Variants in SMURF1 observed in about 807,000 individuals in gnomAD.
SMURF1 encodes the protein SMAD specific E3 ubiquitin protein ligase 1.
In SMURF1, 44 loss-of-function variants were observed where a neutral mutation model predicts 98.0. That is an observed-to-expected ratio of 0.45 (90% CI 0.35 to 0.58). SMURF1 has a LOEUF of 0.58. SMURF1 is among the 20% of genes least tolerant of loss of function. SMURF1 has a pLI of 0.00. For missense variants in SMURF1, 687 were observed against 938.4 expected (o/e 0.73, Z 3.50); for synonymous variants, 396 against 374.9 (o/e 1.06, Z -0.65).
intron 3 of SMURF1, among the ~76,000 whole-genome samples, chr7:99,058,533 C>G (rs1584466692): frequency 6.6e-6 from 1 of 152,326 alleles, no homozygotes; most frequent in East Asian, 1.9e-4. Context: ...GGACTACTTA[C>G]AAACCTACGG....
chr7:99,121,030 T>G (rs1168145157), intron 1 of SMURF1: 1 of 152,114 alleles, frequency 6.6e-6, no homozygotes, highest in Admixed American at 6.5e-5. Flanking sequence ...TAAGCTATTC[T>G]GTATAACAGG....
rs139584028 is a variant in SMURF1 at position 99,138,727 on chromosome 7, G to GA, written c.55+4998dup. 2.8e-3 allele frequency among the ~76,000 whole-genome samples: 425 copies of GA among 149,546 alleles called. 4 individuals are homozygous for GA. Among genetic ancestry groups the GA allele is most frequent in the Non-Finnish European group, 3.2e-3 (216 of 67,066 alleles). ...TTGGGTGGGCCAAGAAGATTAAAAG[G>GA]AAAAAAAAATGGATTTGAAAAAAGA... On this transcript the variant is annotated intron_variant, in intron 1 of 17. Transcript: ENST00000361368.
At chr7:99,052,142 A>AC in intron 7 of SMURF1, 63 bp downstream of exon 7, 2 of 1,471,472 alleles carry the variant, frequency 1.4e-6, no homozygotes, top group Non-Finnish European at 1.8e-6. Flanking sequence ...CAAAAAAAAA[A>AC]AAAAAGTCAA....
At chr7:99,051,264 G>T in intron 8 of SMURF1, 93 bp downstream of exon 8, 1 of 1,081,864 alleles carries the variant, frequency 9.2e-7, no homozygotes, top group Non-Finnish European at 1.4e-6. Context: ...ACTATTTTTA[G>T]TTTAAAACAA....
At chr7:99,143,666 G>T in intron 1 of SMURF1, 60 bp downstream of exon 1, 2 of 1,449,510 alleles carry the variant, frequency 1.4e-6, no homozygotes, top group East Asian at 2.9e-5. Flanking sequence ...GCGCCCTGCG[G>T]GGAATTCCGG....
At chr7:99,143,186 G>C (rs1163409092) in intron 1 of SMURF1, among the ~76,000 whole-genome samples, 1 of 137,852 alleles carries the variant, frequency 7.3e-6, no homozygotes, top group African/African-American at 2.7e-5. Flanking sequence ...CAGAGAGATG[G>C]GCGGGGTCAG....
At chr7:99,064,013 A>G (rs1796131282) in intron 1 of SMURF1, among the ~76,000 whole-genome samples, 2 of 152,114 alleles carry the variant, frequency 1.3e-5, no homozygotes, top group Non-Finnish European at 2.9e-5. Flanking sequence ...CTTTTTCTAC[A>G]TGTGTTGAGA....
At chr7:99,113,551 C>T (rs1054963049) in intron 1 of SMURF1, among the ~76,000 whole-genome samples, 6 of 152,016 alleles carry the variant, frequency 3.9e-5, no homozygotes, top group Admixed American at 2.0e-4. Flanking sequence ...AACAAAAGAA[C>T]ATTAGACGGC....
intron 14 of SMURF1, among the ~76,000 whole-genome samples, chr7:99,038,062 G>A (rs1014226395): frequency 2.6e-5 from 4 of 152,136 alleles, no homozygotes; most frequent in Non-Finnish European, 4.4e-5. Context: ...TGGCTTCCTC[G>A]GACTGAGCAC....
intron 1 of SMURF1, among the ~76,000 whole-genome samples, chr7:99,102,781 G>A (rs1439079488): frequency 6.6e-6 from 1 of 152,010 alleles, no homozygotes; most frequent in African/African-American, 2.4e-5. Flanking sequence ...TTTCTCTTTT[G>A]GTGGTGCACG....
chr7:99,140,432 G>A (rs370184866), intron 1 of SMURF1, among the ~76,000 whole-genome samples: 55 of 151,818 alleles, frequency 3.6e-4, no homozygotes, highest in African/African-American at 1.1e-3. Context: ...GACTACAGGC[G>A]CCCGCCACCA....
rs1396861544 is a variant in SMURF1, at chr7:99,063,264, T to TG, written c.56-1428_56-1427insC. ...ATTTATATATATATATATATATATATATATATATATATATATATATATATA... is the reference window on the plus strand; with the variant it reads ...ATTTATATATATATATATATATATATGATATATATATATATATATATATATA... On this transcript the variant is annotated intron_variant, in intron 1 of 17. Coordinates refer to ENST00000361368, the MANE Select transcript of SMURF1 (RefSeq NM_181349.3). Among the ~76,000 whole-genome samples the TG allele has an allele frequency of 1.0e-4, 7 of 69,106 alleles. 1 individual carries two copies. Among genetic ancestry groups the TG allele is most frequent in the African/African-American group, 6.2e-4 (5 of 8,100 alleles). The allele number at this position is 69,106 out of a possible 152,430, so 45.3% of individuals were successfully genotyped here.
chr7:99,084,804 T>TC (rs1036809691), intron 1 of SMURF1, among the ~76,000 whole-genome samples: 5 of 151,968 alleles, frequency 3.3e-5, no homozygotes, highest in African/African-American at 1.2e-4. Context: ...TGGGTATGGG[T>TC]CCCCCCGCAA....
intron 1 of SMURF1, chr7:99,081,525 C>G (rs769937613): frequency 1.1e-4 from 17 of 152,226 alleles, no homozygotes; most frequent in Non-Finnish European, 2.4e-4. Flanking sequence ...GACAGGAACT[C>G]TATGTCCAAC....
intron 1 of SMURF1, among the ~76,000 whole-genome samples, chr7:99,116,203 G>T (rs1797446785): frequency 6.6e-6 from 1 of 151,016 alleles, no homozygotes; most frequent in Non-Finnish European, 1.5e-5. Context: ...CCAAATTGAT[G>T]CAGAACATTT....
At chr7:99,045,863 T>G in intron 10 of SMURF1, 62 bp from the exon 11 acceptor site, 1 of 1,316,530 alleles carries the variant, frequency 7.6e-7, no homozygotes, top group African/African-American at 1.4e-5. Flanking sequence ...TTATGAAAGG[T>G]CATTGATAAT....
intron 1 of SMURF1, among the ~76,000 whole-genome samples, chr7:99,143,447 T>C (rs1584228575): frequency 1.4e-5 from 1 of 71,914 alleles, no homozygotes; most frequent in Non-Finnish European, 2.7e-5. Context: ...TGAATGGAAA[T>C]GAGAGGGGCG....
chr7:99,050,893 G>T (rs930579464), intron 8 of SMURF1: 6 of 1,227,150 alleles, frequency 4.9e-6, no homozygotes, highest in South Asian at 1.3e-5. Context: ...CTGTTATGGG[G>T]TGGGGGGGGG....
chr7:99,136,985 T>C (rs1206146634), intron 1 of SMURF1, among the ~76,000 whole-genome samples: 5 of 152,176 alleles, frequency 3.3e-5, no homozygotes, highest in Non-Finnish European at 7.3e-5. Context: ...TACTGTCCGA[T>C]GGCACATTAC....
Sources: allele counts gnomAD v4.1 joint callset (sites outside exome capture counted in the v4.1 genomes callset), GRCh38; gene constraint gnomAD v4.1.1; transcripts MANE v1.5; gene names NCBI Gene and HGNC (gene_info 2026-07-23, HGNC 2026-07-21).